Variants in FBXO32 observed in about 807,000 individuals in gnomAD.
FBXO32 encodes F-box only protein 32.
Under a neutral mutation model 48.3 loss-of-function variants are expected in FBXO32, and 15 were observed. The ratio of observed to expected loss-of-function variants is 0.31; its 90% confidence interval spans 0.21 to 0.48. FBXO32 has a LOEUF of 0.48. Ranked by LOEUF, FBXO32 falls within the 20% of genes least tolerant of loss-of-function variation. The pLI is 0.99. For missense variants in FBXO32, 309 were observed against 432.7 expected (o/e 0.71, Z 2.54); for synonymous variants, 154 against 165.9 (o/e 0.93, Z 0.55).
intron 2 of FBXO32, among the ~76,000 whole-genome samples, chr8:123,534,052 C>CACTG (rs1817262627): frequency 6.7e-6 from 1 of 150,140 alleles, no homozygotes; most frequent in Admixed American, 6.6e-5. Context: ...AAGATCATGC[C>CACTG]ACTGACTCCA....
chr8:123,504,544 C>T, intron 8 of FBXO32, 60 bp downstream of exon 8: 1 of 1,329,420 alleles, frequency 7.5e-7, no homozygotes, highest in Non-Finnish European at 9.9e-7. Context: ...TGCTGGCTGG[C>T]ACTCTTGGCT....
intron 6 of FBXO32, among the ~76,000 whole-genome samples, chr8:123,509,594 G>A (rs1816697257): frequency 1.3e-5 from 2 of 152,112 alleles, no homozygotes; most frequent in South Asian, 2.1e-4. Flanking sequence ...CAGCTACTCG[G>A]GAGGCTGAGG....
chr8:123,536,899 C>A (rs1817318455), intron 1 of FBXO32, among the ~76,000 whole-genome samples: 1 of 152,116 alleles, frequency 6.6e-6, no homozygotes, highest in South Asian at 2.1e-4. Context: ...CTGCTTTAAG[C>A]CTGAGTGACT....
At chr8:123,534,588 A>C (rs1191610096) in intron 2 of FBXO32, 114 bp downstream of exon 2, 4 of 617,978 alleles carry the variant, frequency 6.5e-6, no homozygotes, top group African/African-American at 3.7e-5. Context: ...AGTGACACAC[A>C]GTAAAACACT....
chr8:123,530,361 C>T (rs78689766), intron 4 of FBXO32, among the ~76,000 whole-genome samples: 2,610 of 152,156 alleles, frequency 0.017, 74 homozygotes, highest in African/African-American at 0.058. Context: ...TGACATGGCA[C>T]CGAGAAGCAC....
chr8:123,524,755 C>T (rs1014473320), intron 4 of FBXO32, among the ~76,000 whole-genome samples: 1 of 152,146 alleles, frequency 6.6e-6, no homozygotes, highest in African/African-American at 2.4e-5. Flanking sequence ...TGACCTCAGG[C>T]GATCCGCCTG....
intron 4 of FBXO32, among the ~76,000 whole-genome samples, chr8:123,518,942 C>T (rs1816893524): frequency 6.6e-6 from 1 of 152,214 alleles, no homozygotes; most frequent in Admixed American, 6.5e-5. Flanking sequence ...CCACCTCAGC[C>T]TCCCAAGTAG....
At chr8:123,509,280 TA>T (rs1816690804) in intron 6 of FBXO32, among the ~76,000 whole-genome samples, 1 of 152,230 alleles carries the variant, frequency 6.6e-6, no homozygotes, top group African/African-American at 2.4e-5. Flanking sequence ...TATTTGCCTA[TA>T]ATAATGTACT....
rs189138464 is a variant in FBXO32, at chr8:123,531,520, C to T, written c.372+378G>A. Reference sequence around the variant, plus strand: ...GTCCAAAGTGCTTTAGGGCTTGCTTCCTGCTGAATTCTCTCTTGCTAAGGC... The same window carrying T: ...GTCCAAAGTGCTTTAGGGCTTGCTTTCTGCTGAATTCTCTCTTGCTAAGGC... On this transcript the variant is annotated intron_variant, in intron 4 of 8. Transcript: ENST00000517956. Among the ~76,000 whole-genome samples the T allele has an allele frequency of 5.4e-3, 828 of 152,320 alleles. 7 individuals carry two copies. Among genetic ancestry groups the T allele is most frequent in the Middle Eastern group, 0.01 (3 of 294 alleles).
chr8:123,538,950 G>A (rs1245894445), intron 1 of FBXO32, among the ~76,000 whole-genome samples: 1 of 152,160 alleles, frequency 6.6e-6, no homozygotes, highest in Non-Finnish European at 1.5e-5. Context: ...TTCTAAAGGA[G>A]AGTGACACCA....
chr8:123,515,393 G>A (rs887682375), intron 4 of FBXO32, among the ~76,000 whole-genome samples: 60 of 151,050 alleles, frequency 4.0e-4, no homozygotes, highest in African/African-American at 1.3e-3. Context: ...GTGCCACTAC[G>A]CCTGGCTAAC....
rs113322467 is a variant in FBXO32 at position 123,504,814 on chromosome 8, G to A, written c.835-67C>T. Reference sequence around the variant, plus strand: ...TCAAGAAGATGGCTTGTGGTTTTCCGGTTCTGAAAAGGTTTACTCTCACCC... The same window carrying A: ...TCAAGAAGATGGCTTGTGGTTTTCCAGTTCTGAAAAGGTTTACTCTCACCC... On this transcript the variant is annotated intron_variant, in intron 7 of 8. Transcript: ENST00000517956. 106 of 1,528,708 alleles carry A rather than the reference G, an allele frequency of 6.9e-5. No homozygotes were observed. In the South Asian group the frequency reaches 7.1e-4, roughly 10 times the overall value. 94.7% of individuals were successfully genotyped at this position (1,528,708 alleles called of 1,614,324 possible). A position where few individuals can be genotyped will look rare whatever the true frequency, so the allele number is the denominator to read the frequency against.
At position 123,506,720 on chromosome 8, in the gene FBXO32, T is replaced by A. The variant is rs778127465; in HGVS notation, c.652-146A>T. The A allele has an allele frequency of 1.5e-4, 101 of 656,296 alleles. No individual in the cohort carries two copies. Among genetic ancestry groups the A allele is most frequent in the Admixed American group, 2.5e-4 (8 of 32,468 alleles). The allele number at this position is 656,296 out of a possible 1,614,324, so 40.7% of individuals were successfully genotyped here. A position where few individuals can be genotyped will look rare whatever the true frequency, so the allele number is the denominator to read the frequency against. On this transcript the variant is annotated intron_variant, in intron 6 of 8. Coordinates refer to ENST00000517956, the MANE Select transcript of FBXO32 (RefSeq NM_058229.4). This position sits in a 1 kb window ranked among gnomAD's most constrained non-coding sequence, Gnocchi z 4.0. ...TCGAAAGCAGTAGTAAATCTCCCCA[T>A]CCTAAATGCAGACAGGAGACCATGG...
rs1278489010 is a variant in FBXO32, at chr8:123,525,560, A to G, written c.372+6338T>C. ...CATGTGTGCAAATATTTTAGTGGTG[A>G]TAAAAGGCAGGCTCCATTTTGCATT... On this transcript the variant is annotated intron_variant, in intron 4 of 8. Transcript: ENST00000517956. This position sits in a 1 kb window ranked among gnomAD's most constrained non-coding sequence, Gnocchi z 4.3. Among the ~76,000 whole-genome samples the G allele has an allele frequency of 1.3e-5, 2 of 152,186 alleles. No individual in the cohort carries two copies. The highest frequency in any genetic ancestry group is 4.8e-5 in the African/African-American group (2 of 41,442).
chr8:123,540,460 A>C lies in FBXO32; in HGVS notation c.116+439T>G, dbSNP rs938927089. Reference sequence around the variant, plus strand: ...TCGGATCCCGTCACCTGTCGCGTCCACAGCGCTTGGGCGCTGGGAGCCGGG... The same window carrying C: ...TCGGATCCCGTCACCTGTCGCGTCCCCAGCGCTTGGGCGCTGGGAGCCGGG... On this transcript the variant is annotated intron_variant, in intron 1 of 8. Coordinates refer to ENST00000517956, the MANE Select transcript of FBXO32 (RefSeq NM_058229.4). The surrounding 1 kb of genome is among the most constrained non-coding windows in gnomAD (Gnocchi z 6.4). 2.6e-5 allele frequency among the ~76,000 whole-genome samples: 4 copies of C among 152,182 alleles called. No homozygotes were observed. The highest frequency in any genetic ancestry group is 7.2e-5 in the African/African-American group (3 of 41,450).
chr8:123,522,761 C>T (rs1816983080), intron 4 of FBXO32, among the ~76,000 whole-genome samples: 1 of 152,176 alleles, frequency 6.6e-6, no homozygotes, highest in Admixed American at 6.5e-5. Context: ...TTCCACTTGC[C>T]TTTCCATCTG....
chr8:123,515,867 C>G (rs1396661213), intron 4 of FBXO32, among the ~76,000 whole-genome samples: 1 of 152,106 alleles, frequency 6.6e-6, no homozygotes, highest in East Asian at 1.9e-4. Context: ...TGGCACATGC[C>G]TGTGCTCCCA....
At chr8:123,533,962 A>G (rs1817261235) in intron 2 of FBXO32, among the ~76,000 whole-genome samples, 1 of 151,970 alleles carries the variant, frequency 6.6e-6, no homozygotes, top group Non-Finnish European at 1.5e-5. Flanking sequence ...GTATGGTGGC[A>G]GGTGCTTGTA....
At chr8:123,521,842 C>T (rs1194767168) in intron 4 of FBXO32, among the ~76,000 whole-genome samples, 1 of 152,082 alleles carries the variant, frequency 6.6e-6, no homozygotes, top group Non-Finnish European at 1.5e-5. Context: ...AAGTTGGGTG[C>T]CCATCTATAG....
Sources: allele counts gnomAD v4.1 joint callset (sites outside exome capture counted in the v4.1 genomes callset), GRCh38; gene constraint gnomAD v4.1.1; non-coding constraint Gnocchi (gnomAD v3.1); transcripts MANE v1.5; gene names NCBI Gene and HGNC (gene_info 2026-07-23, HGNC 2026-07-21).